The following MIIP variants were observed in gnomAD, a reference collection of about 807,000 sequenced individuals.
The protein encoded by MIIP is migration and invasion inhibitory protein.
In MIIP, 44 loss-of-function variants were observed where a neutral mutation model predicts 44.8. That is an observed-to-expected ratio of 0.98 (90% CI 0.77 to 1.26). The LOEUF is 1.26. Among genes scored for constraint, MIIP ranks in the 50% most tolerant of loss-of-function variants. MIIP has a pLI of 0.00. For missense variants in MIIP, 496 were observed against 511.7 expected, an observed-to-expected ratio of 0.97 and a Z score of 0.30; for synonymous variants, 225 against 218.3, an observed-to-expected ratio of 1.03 and a Z score of -0.27.
At chr1:12,030,202 A>G in intron 8 of MIIP, 78 bp downstream of exon 8, 1 of 1,403,062 alleles carries the variant, frequency 7.1e-7, no homozygotes, top group Non-Finnish European at 1.0e-6. Context: ...GGAGGGTCAC[A>G]GAGCGAGACT....
intron 6 of MIIP, 164 bp downstream of exon 6, chr1:12,029,445 C>CT: frequency 1.2e-6 from 1 of 833,618 alleles, no homozygotes; most frequent in Non-Finnish European, 1.8e-6. Context: ...TGGCCAAGCC[C>CT]TGGTAGGGGT....
In MIIP at chr1:12,021,849, C is replaced by A; in HGVS notation, c.114+9C>A. 1 of 1,591,242 alleles carries A rather than the reference C, an allele frequency of 6.3e-7. No homozygotes were observed. Among genetic ancestry groups the A allele is most frequent in the Non-Finnish European group, 8.6e-7 (1 of 1,169,232 alleles). ...CCAGGGCAGCCTCGGAGGTGCGTGC[C>A]CGCCTTGGGAACCCCAGAGGAAGGG... On this transcript the variant is annotated intron_variant, in intron 2 of 9. Transcript: ENST00000235332.
At chr1:12,024,937 T>C (rs962313471) in intron 4 of MIIP, among the ~76,000 whole-genome samples, 11 of 152,284 alleles carry the variant, frequency 7.2e-5, no homozygotes, top group African/African-American at 2.6e-4. Context: ...AGTGAAATCA[T>C]ATAGCCTTTG....
rs773812829 is a variant in MIIP, at chr1:12,022,281, C to T, written c.301C>T (p.Gln101Ter). 1.9e-6 allele frequency: 3 copies of T among 1,613,802 alleles called. No homozygotes were observed. Among genetic ancestry groups the T allele is most frequent in the Admixed American group, 3.3e-5 (2 of 60,000 alleles). Reference sequence around the variant, plus strand: ...GGCCTCTCTCCCACCTGCCAAATGCCAGCACCAGGAGTCCCTGGGCCGACC... The same window carrying T: ...GGCCTCTCTCCCACCTGCCAAATGCTAGCACCAGGAGTCCCTGGGCCGACC... ...GVASLPPAKC[Q>*]HQESLGRPRP... The change falls in exon 3 of 10, where the codon CAG (glutamine) becomes TAG (stop). Residue 101 changes from glutamine (Q) to a stop codon, truncating the protein, a stop_gained. Transcript: ENST00000235332. LOFTEE classifies it high-confidence loss of function.
rs529965498 is a variant in MIIP at position 12,020,830 on chromosome 1, C to G, written c.-82-815C>G. On this transcript the variant is annotated intron_variant, in intron 1 of 9. Coordinates refer to ENST00000235332, the MANE Select transcript of MIIP (RefSeq NM_021933.4). The stretch of plus-strand genomic sequence containing the variant: ...TCCCGAGTAGCTGGGATTACAGGCG[C>G]GTGCCACCACGCCCGGCTAATTTTT... Among the ~76,000 whole-genome samples the G allele has an allele frequency of 3.9e-5, 6 of 152,138 alleles. No individual in the cohort carries two copies. The South Asian group carries it at 1.2e-3, about 32-fold the overall frequency.
Position 12,021,795 on chromosome 1 carries a change from G to A in MIIP, c.69G>A (p.Val23=). ...TGGAGCTCCTGAGGCAGCTGTGGGT[G>A]GGGCAGGATGCTGTGCGGCGGTCAG... The part of the protein sequence containing the change: ...LNLELLRQLW[V]GQDAVRRSVA... The change falls in exon 2 of 10, where the codon GTG becomes GTA. Residue 23 remains valine, a synonymous_variant. Coordinates refer to ENST00000235332, the MANE Select transcript of MIIP (RefSeq NM_021933.4). 1 of 1,612,666 alleles carries A rather than the reference G, an allele frequency of 6.2e-7. No individual in the cohort carries two copies. The highest frequency in any genetic ancestry group is 1.1e-5 in the South Asian group (1 of 91,026).
At chr1:12,023,431 T>G (rs1368604755) in intron 4 of MIIP, among the ~76,000 whole-genome samples, 1 of 147,550 alleles carries the variant, frequency 6.8e-6, no homozygotes, top group East Asian at 2.0e-4. Context: ...TGAGATAGTC[T>G]CTCGCTCTGT....
chr1:12,031,909 C>G lies in MIIP; in HGVS notation c.*101C>G. On this transcript the variant is annotated 3_prime_UTR_variant, in exon 10 of 10. Transcript: ENST00000235332. ...GAATCCCCTGCCCGCCCAGCTCAGG[C>G]CCAGCTGTCCTAGGTTGGGCAGGTG... 8.1e-7 allele frequency: 1 copy of G among 1,230,358 alleles called. No individual in the cohort carries two copies. Among genetic ancestry groups the G allele is most frequent in the South Asian group, 1.4e-5 (1 of 73,278 alleles). 76.2% of individuals were successfully genotyped at this position (1,230,358 alleles called of 1,614,324 possible). A position where few individuals can be genotyped will look rare whatever the true frequency, so the allele number is the denominator to read the frequency against.
rs1307519341 is a variant in MIIP at position 12,031,814 on chromosome 1, G to T, written c.*6G>T. The T allele has an allele frequency of 6.2e-7, 1 of 1,612,848 alleles. No homozygotes were observed. The highest frequency in any genetic ancestry group is 1.3e-5 in the African/African-American group (1 of 74,908). On this transcript the variant is annotated 3_prime_UTR_variant, in exon 10 of 10. Coordinates refer to ENST00000235332, the MANE Select transcript of MIIP (RefSeq NM_021933.4). ...TCCCACGGCAGAAGCCCTGAGGACT[G>T]ACTCCTGGGGGAGAACAGCATTCCC...
intron 4 of MIIP, among the ~76,000 whole-genome samples, chr1:12,026,695 G>A (rs1318721116): frequency 6.6e-6 from 1 of 152,190 alleles, no homozygotes; most frequent in African/African-American, 2.4e-5. Context: ...GCACCGCTCC[G>A]AGCTGTGCTT....
chr1:12,024,464 A>G (rs1640057900), intron 4 of MIIP, among the ~76,000 whole-genome samples: 1 of 152,196 alleles, frequency 6.6e-6, no homozygotes, highest in Non-Finnish European at 1.5e-5. Flanking sequence ...TCCAGGCTAG[A>G]GTGCAATGGC....
Position 12,028,975 on chromosome 1 carries a change from C to G in MIIP, c.548-58C>G, listed in dbSNP as rs1434109540. ...CGTCTCTCCAAGCCTTGGCCGGTGG[C>G]CACACAGCAGCCCCCAGCCCCTCTC... On this transcript the variant is annotated intron_variant, in intron 4 of 9. Transcript: ENST00000235332. The G allele has an allele frequency of 1.5e-5, 21 of 1,426,544 alleles. No individual in the cohort carries two copies. In the East Asian group the frequency reaches 4.3e-4, roughly 29 times the overall value. The allele number at this position is 1,426,544 out of a possible 1,614,324, so 88.4% of individuals were successfully genotyped here.
intron 4 of MIIP, among the ~76,000 whole-genome samples, chr1:12,027,238 G>A (rs1021628579): frequency 2.0e-5 from 3 of 152,128 alleles, no homozygotes; most frequent in African/African-American, 4.8e-5. Flanking sequence ...TGGAACTCCC[G>A]ATGTCAAGTG....
Position 12,022,992 on chromosome 1 carries a change from G to T in MIIP, c.547+75G>T, listed in dbSNP as rs1401572037. The T allele has an allele frequency of 4.2e-6, 5 of 1,195,108 alleles. No individual in the cohort carries two copies. In the African/African-American group the frequency reaches 7.6e-5, roughly 18 times the overall value. 74.0% of individuals were successfully genotyped at this position (1,195,108 alleles called of 1,614,324 possible). A position where few individuals can be genotyped will look rare whatever the true frequency, so the allele number is the denominator to read the frequency against. ...GAGGCCTGGGATCCTCCATGCTCCT[G>T]TCTGAGCCTCCACCCGGTGCTGTTG... On this transcript the variant is annotated intron_variant, in intron 4 of 9. Coordinates refer to ENST00000235332, the MANE Select transcript of MIIP (RefSeq NM_021933.4).
chr1:12,030,465 C>A (rs1226048945), intron 8 of MIIP, among the ~76,000 whole-genome samples: 2 of 151,940 alleles, frequency 1.3e-5, no homozygotes, highest in Non-Finnish European at 2.9e-5. Flanking sequence ...GCTGTACCCC[C>A]ACCCTGCAGG....
intron 2 of MIIP, 119 bp from the exon 3 acceptor site, chr1:12,021,976 C>T (rs1006759031): frequency 1.4e-5 from 18 of 1,300,184 alleles, no homozygotes; most frequent in Non-Finnish European, 1.9e-5. Context: ...AGGGAAGAGA[C>T]TGGCCTTGGT....
intron 7 of MIIP, 40 bp downstream of exon 7, chr1:12,029,934 C>T: frequency 6.2e-7 from 1 of 1,610,080 alleles, no homozygotes; most frequent in Non-Finnish European, 8.5e-7. Context: ...GGGGACAGAG[C>T]CTGAACCACT....
Position 12,031,256 on chromosome 1 carries a change from C to T in MIIP, c.943-10C>T. 6.2e-7 allele frequency: 1 copy of T among 1,611,702 alleles called. No individual in the cohort carries two copies. The highest frequency in any genetic ancestry group is 2.2e-5 in the East Asian group (1 of 44,866). ...CAGGTCAGGCACTTTTAACTCCTTG[C>T]CTTCCACAGCACTGCCTGCTGGGCT... On this transcript the variant is annotated splice_polypyrimidine_tract_variant and intron_variant, in intron 8 of 9. Coordinates refer to ENST00000235332, the MANE Select transcript of MIIP (RefSeq NM_021933.4).
At chr1:12,030,541 G>GTGC (rs1276871927) in intron 8 of MIIP, among the ~76,000 whole-genome samples, 1 of 146,316 alleles carries the variant, frequency 6.8e-6, no homozygotes, top group East Asian at 2.1e-4. Context: ...CTAGGTCTCT[G>GTGC]TGCTGCTGCT....
Sources: allele counts gnomAD v4.1 joint callset (sites outside exome capture counted in the v4.1 genomes callset), GRCh38; gene constraint gnomAD v4.1.1; transcripts MANE v1.5; gene names NCBI Gene and HGNC (gene_info 2026-07-23, HGNC 2026-07-21).